MAN2A1: variants seen among roughly 807,000 people sequenced by gnomAD.
MAN2A1 encodes the protein alpha-mannosidase 2.
MAN2A1 carries 76 observed loss-of-function variants against 142.6 expected under a neutral mutation model. The observed-to-expected ratio is 0.53, with a 90% CI of 0.44 to 0.65. The LOEUF (loss-of-function observed/expected upper bound fraction) is 0.65. Among genes scored for constraint, MAN2A1 ranks in the 30% least tolerant of loss-of-function variants. MAN2A1 has a pLI of 0.00. For missense variants in MAN2A1, 1,311 were observed against 1,365.1 expected, an observed-to-expected ratio of 0.96 and a Z score of 0.62; for synonymous variants, 559 against 473.2, an observed-to-expected ratio of 1.18 and a Z score of -2.35.
intron 16 of MAN2A1, among the ~76,000 whole-genome samples, chr5:109,836,175 T>G (rs1251071243): frequency 6.6e-6 from 1 of 152,028 alleles, no homozygotes; most frequent in African/African-American, 2.4e-5. Flanking sequence ...AGTGGCGCGA[T>G]CTTGGCTTGC....
rs554677998 is a variant in MAN2A1, at chr5:109,736,338, A to G, written c.707+6825A>G. On this transcript the variant is annotated intron_variant, in intron 4 of 21. Coordinates refer to ENST00000261483, the MANE Select transcript of MAN2A1 (RefSeq NM_002372.4). Reference sequence around the variant, plus strand: ...CATAAGCATTGATATTTGTTTTATAAAGGCAATTTTTTGATTAAGTTTTAA... The same window carrying G: ...CATAAGCATTGATATTTGTTTTATAGAGGCAATTTTTTGATTAAGTTTTAA... Among the ~76,000 whole-genome samples, 9 of 152,178 alleles carry G rather than the reference A, an allele frequency of 5.9e-5. No homozygotes were observed. In the South Asian group the frequency reaches 1.9e-3, roughly 32 times the overall value.
At position 109,690,568 on chromosome 5, in the gene MAN2A1, G is replaced by C. The variant is rs200261447; in HGVS notation, c.135+16G>C. 2 of 1,578,932 alleles carry C rather than the reference G, an allele frequency of 1.3e-6. No individual in the cohort carries two copies. The highest frequency in any genetic ancestry group is 3.7e-5 in the Admixed American group (2 of 54,704). On this transcript the variant is annotated intron_variant, in intron 1 of 21. Coordinates refer to ENST00000261483, the MANE Select transcript of MAN2A1 (RefSeq NM_002372.4). ...CTTCCCTCAGGTAAGCACCTGGGAA[G>C]GGGGCGCGGGGCTCCGAGGGGCCAG...
chr5:109,789,483 T>C lies in MAN2A1; in HGVS notation c.1899T>C (p.Asp633=). 6.3e-7 allele frequency: 1 copy of C among 1,589,566 alleles called. No homozygotes were observed. Among genetic ancestry groups the C allele is most frequent in the Non-Finnish European group, 8.6e-7 (1 of 1,165,962 alleles). Residue 633 remains aspartate (D), a synonymous_variant, in exon 12 of 22, where the codon GAT becomes GAC. Coordinates refer to ENST00000261483, the MANE Select transcript of MAN2A1 (RefSeq NM_002372.4). ...LEMDLKQKSQ[D]SLPQKNIIRL... ...AGGATTTGAAACAAAAATCACAAGA[T>C]TCTCTGCCACAAAAAAATATAATAA... is the stretch of plus-strand genomic sequence containing the variant.
In MAN2A1 at chr5:109,715,975, C is replaced by T. The variant is rs1582817553; in HGVS notation, c.391-145C>T. On this transcript the variant is annotated intron_variant, in intron 2 of 21. Transcript: ENST00000261483. ...TTGAATGGTGATGGAATATTTTCTA[C>T]TCTAAACTCCTCAATGTCTACAGAA... The T allele has an allele frequency of 8.2e-5, 40 of 487,570 alleles. 1 individual carries two copies. The East Asian group carries it at 1.3e-3, about 16-fold the overall frequency. 30.2% of individuals were successfully genotyped at this position (487,570 alleles called of 1,614,324 possible).
rs1267449433 is a variant in MAN2A1, at chr5:109,690,551, A to T, written c.134A>T (p.Gln45Leu). 1 of 1,598,922 alleles carries T rather than the reference A, an allele frequency of 6.3e-7. No individual in the cohort carries two copies. The highest frequency in any genetic ancestry group is 8.5e-7 in the Non-Finnish European group (1 of 1,172,706). Residue 45 changes from glutamine (Q) to leucine (L), a missense_variant and splice_region_variant, in exon 1 of 22, where the codon CAG becomes CTG. Physicochemically the swap from Gln to Leu is moderately radical, Grantham distance 113. Around this residue, in one of 3 missense-constraint regions of MAN2A1, gnomAD observed 409 missense variants for 412.7 expected, o/e 0.99. Transcript: ENST00000261483. The stretch of plus-strand genomic sequence containing the variant: ...CCGCGCCGCGAGGGCTCCTTCCCTC[A>T]GGTAAGCACCTGGGAAGGGGGCGCG... ...RNPRREGSFP[Q>L]GQLSMLQEKI...
intron 4 of MAN2A1, among the ~76,000 whole-genome samples, chr5:109,737,613 C>T (rs534481361): frequency 3.9e-5 from 6 of 152,108 alleles, no homozygotes; most frequent in Non-Finnish European, 7.4e-5. Flanking sequence ...ATTGCATACA[C>T]GTTCTTAAAA....
chr5:109,723,723 T>C (rs1180455125), intron 3 of MAN2A1, among the ~76,000 whole-genome samples: 4 of 152,204 alleles, frequency 2.6e-5, no homozygotes, highest in African/African-American at 7.2e-5. Context: ...TCTATTTTTA[T>C]ATTTATTTCT....
At chr5:109,796,867 A>G (rs1237783664) in intron 12 of MAN2A1, among the ~76,000 whole-genome samples, 1 of 152,158 alleles carries the variant, frequency 6.6e-6, no homozygotes, top group African/African-American at 2.4e-5. Context: ...CCTTCATGAC[A>G]TTATTAACAA....
chr5:109,694,677 C>A (rs562823147), intron 1 of MAN2A1, among the ~76,000 whole-genome samples: 1 of 150,908 alleles, frequency 6.6e-6, no homozygotes, highest in Non-Finnish European at 1.5e-5. Flanking sequence ...TTTTAACTTA[C>A]TGTAATACAC....
chr5:109,714,955 C>T (rs1751410762), intron 2 of MAN2A1, among the ~76,000 whole-genome samples: 1 of 150,496 alleles, frequency 6.6e-6, no homozygotes, highest in Non-Finnish European at 1.5e-5. Flanking sequence ...TTCTTGAGTA[C>T]CTAGCCTTGT....
intron 16 of MAN2A1, among the ~76,000 whole-genome samples, chr5:109,826,184 G>T (rs1754755723): frequency 6.6e-6 from 1 of 151,804 alleles, no homozygotes; most frequent in Admixed American, 6.6e-5. Context: ...GGTATTATAG[G>T]CATGAGCCAC....
intron 12 of MAN2A1, among the ~76,000 whole-genome samples, chr5:109,797,985 T>G (rs1753908662): frequency 6.6e-6 from 1 of 152,150 alleles, no homozygotes; most frequent in Admixed American, 6.5e-5. Flanking sequence ...AAAAGAAATT[T>G]TAAAAATTTC....
At chr5:109,846,079 A>T in intron 18 of MAN2A1, 73 bp downstream of exon 18, 3 of 1,367,522 alleles carry the variant, frequency 2.2e-6, no homozygotes, top group East Asian at 2.6e-5. Flanking sequence ...TGTTGGTCAG[A>T]TGTGGTATAA....
intron 8 of MAN2A1, among the ~76,000 whole-genome samples, chr5:109,775,400 C>G (rs1753259048): frequency 6.6e-6 from 1 of 152,014 alleles, no homozygotes; most frequent in Non-Finnish European, 1.5e-5. Context: ...AACAAATGTC[C>G]TATGTCCAGA....
intron 4 of MAN2A1, among the ~76,000 whole-genome samples, chr5:109,739,856 T>C (rs1752217020): frequency 6.6e-6 from 1 of 152,178 alleles, no homozygotes; most frequent in Non-Finnish European, 1.5e-5. Context: ...ACAAGTCAGC[T>C]GTGACCTGAG....
chr5:109,821,357 A>G (rs371194848), intron 15 of MAN2A1, among the ~76,000 whole-genome samples: 1 of 152,202 alleles, frequency 6.6e-6, no homozygotes, highest in Non-Finnish European at 1.5e-5. Context: ...CTTCACTACC[A>G]TAACATTGTA....
intron 1 of MAN2A1, among the ~76,000 whole-genome samples, chr5:109,701,358 G>T (rs1750978164): frequency 6.6e-6 from 1 of 152,180 alleles, no homozygotes; most frequent in African/African-American, 2.4e-5. Context: ...GGAGGAGATT[G>T]GCTTGATTTA....
intron 16 of MAN2A1, among the ~76,000 whole-genome samples, chr5:109,829,397 G>C (rs1403161336): frequency 1.3e-5 from 2 of 152,144 alleles, no homozygotes; most frequent in African/African-American, 2.4e-5. Context: ...GTGTTTTTCT[G>C]CTAAGGCTTT....
intron 19 of MAN2A1, chr5:109,853,582 A>T (rs1755535956): frequency 6.6e-6 from 1 of 152,284 alleles, no homozygotes; most frequent in South Asian, 2.1e-4. Context: ...GCTTTCTCTG[A>T]ATGTTTCTTG....
Sources: allele counts gnomAD v4.1 joint callset (sites outside exome capture counted in the v4.1 genomes callset), GRCh38; gene constraint gnomAD v4.1.1; regional missense constraint gnomAD v4.1.1; transcripts MANE v1.5; gene names NCBI Gene and HGNC (gene_info 2026-07-23, HGNC 2026-07-21).